The following TGFB2 variants were observed in gnomAD, a reference collection of about 807,000 sequenced individuals.
TGFB2 encodes transforming growth factor beta 2.
TGFB2 carries 13 observed loss-of-function variants against 42.7 expected under a neutral mutation model. The ratio of observed to expected loss-of-function variants is 0.30; its 90% CI spans 0.20 to 0.48. The LOEUF (loss-of-function observed/expected upper bound fraction) is 0.48. Ranked by LOEUF, TGFB2 falls within the 20% of genes least tolerant of loss-of-function variation. TGFB2 has a pLI of 0.99. For synonymous variants in TGFB2, 193 were observed against 193.6 expected, an observed-to-expected ratio of 1.00 and a Z score of 0.03; for missense variants, 390 against 517.5, an observed-to-expected ratio of 0.75 and a Z score of 2.39.
chr1:218,442,223 G>C lies in TGFB2; in HGVS notation c.*861G>C, dbSNP rs1277955583. 1 of 151,418 alleles carries C rather than the reference G, an allele frequency of 6.6e-6. No individual in the cohort carries two copies. Among genetic ancestry groups the C allele is most frequent in the South Asian group, 2.1e-4 (1 of 4,770 alleles). 9.4% of individuals were successfully genotyped at this position (151,418 alleles called of 1,614,324 possible). A position where few individuals can be genotyped will look rare whatever the true frequency, so the allele number is the denominator to read the frequency against. ...AACCAGTGAAATGTTGAAATGTTTT[G>C]ACATGTACTGGTCAAACTTCAGACC... On this transcript the variant is annotated 3_prime_UTR_variant, in exon 7 of 7. Transcript: ENST00000366930.
chr1:218,429,050 A>G, intron 2 of TGFB2, among the ~76,000 whole-genome samples: 1 of 136,896 alleles, frequency 7.3e-6, no homozygotes, highest in East Asian at 2.2e-4. Context: ...GCACGATCTC[A>G]GCTCACTGCA....
At chr1:218,403,062 C>G (rs1571873237) in intron 1 of TGFB2, among the ~76,000 whole-genome samples, 1 of 152,224 alleles carries the variant, frequency 6.6e-6, no homozygotes, top group South Asian at 2.1e-4. Flanking sequence ...TGCTAGGGGG[C>G]TCCAAAAGCC....
At chr1:218,406,271 A>G (rs1658907910) in intron 2 of TGFB2, among the ~76,000 whole-genome samples, 1 of 151,620 alleles carries the variant, frequency 6.6e-6, no homozygotes, top group Non-Finnish European at 1.5e-5. Flanking sequence ...TTTGTAGTGG[A>G]GTTGGAGTTG....
intron 1 of TGFB2, among the ~76,000 whole-genome samples, chr1:218,386,409 G>T (rs559455934): frequency 6.6e-6 from 1 of 152,172 alleles, no homozygotes; most frequent in Non-Finnish European, 1.5e-5. Context: ...GTCGAAGAAA[G>T]CCCTTTGTAA....
Position 218,346,937 on chromosome 1 carries a change from A to T in TGFB2, c.236A>T (p.Gln79Leu). 1 of 1,614,148 alleles carries T rather than the reference A, an allele frequency of 6.2e-7. No individual in the cohort carries two copies. Among genetic ancestry groups the T allele is most frequent in the Non-Finnish European group, 8.5e-7 (1 of 1,180,014 alleles). ...SIYNSTRDLL[Q>L]EKASRRAAAC... Reference sequence around the variant, plus strand: ...TACAACAGCACCAGGGACTTGCTCCAGGAGAAGGCGAGCCGGAGGGCGGCC... The same window carrying T: ...TACAACAGCACCAGGGACTTGCTCCTGGAGAAGGCGAGCCGGAGGGCGGCC... Residue 79 changes from glutamine (Q) to leucine (L), a missense_variant, in exon 1 of 7, where the codon CAG becomes CTG. Coordinates refer to ENST00000366930, the MANE Select transcript of TGFB2 (RefSeq NM_003238.6). The surrounding 1 kb of genome is among the most constrained non-coding windows in gnomAD (Gnocchi z 4.9).
intron 1 of TGFB2, among the ~76,000 whole-genome samples, chr1:218,381,497 AC>A (rs897876405): frequency 3.3e-5 from 5 of 151,750 alleles, no homozygotes; most frequent in Non-Finnish European, 7.4e-5. Flanking sequence ...CTCGTGATCC[AC>A]CCGCCTCGGC....
chr1:218,417,069 G>C (rs1455335208), intron 2 of TGFB2, among the ~76,000 whole-genome samples: 4 of 152,206 alleles, frequency 2.6e-5, no homozygotes, highest in Admixed American at 2.6e-4. Flanking sequence ...GTAGAGTGGG[G>C]TGCTGCTGAA....
At chr1:218,371,047 C>T (rs1008295206) in intron 1 of TGFB2, among the ~76,000 whole-genome samples, 1 of 152,190 alleles carries the variant, frequency 6.6e-6, no homozygotes, top group African/African-American at 2.4e-5. Context: ...TGCCTGTAAT[C>T]CCAGCTCTTT....
chr1:218,388,572 C>G (rs1468059809), intron 1 of TGFB2, among the ~76,000 whole-genome samples: 2 of 152,156 alleles, frequency 1.3e-5, no homozygotes, highest in Non-Finnish European at 2.9e-5. Flanking sequence ...CCTTGCTTGT[C>G]CCTCTCTGGA....
At chr1:218,382,176 C>T (rs1252841369) in intron 1 of TGFB2, among the ~76,000 whole-genome samples, 1 of 152,042 alleles carries the variant, frequency 6.6e-6, no homozygotes, top group East Asian at 1.9e-4. Context: ...TCTTTACATC[C>T]CCCTCCCCAC....
intron 1 of TGFB2, among the ~76,000 whole-genome samples, chr1:218,388,961 G>A (rs1343025503): frequency 6.6e-6 from 1 of 152,122 alleles, no homozygotes; most frequent in Admixed American, 6.6e-5. Context: ...TACAGGGTTC[G>A]TTATTCCACT....
chr1:218,382,066 C>T (rs1272921495), intron 1 of TGFB2, among the ~76,000 whole-genome samples: 4 of 152,060 alleles, frequency 2.6e-5, no homozygotes, highest in African/African-American at 4.8e-5. Flanking sequence ...CTTTGCTGCC[C>T]TTACCAGATG....
chr1:218,402,576 A>T (rs1658761190), intron 1 of TGFB2, among the ~76,000 whole-genome samples: 1 of 152,220 alleles, frequency 6.6e-6, no homozygotes, highest in African/African-American at 2.4e-5. Flanking sequence ...ATAAACACAA[A>T]AGAGATAAAA....
intron 2 of TGFB2, among the ~76,000 whole-genome samples, chr1:218,421,049 G>C (rs1374687417): frequency 6.6e-6 from 1 of 152,176 alleles, no homozygotes; most frequent in Non-Finnish European, 1.5e-5. Flanking sequence ...TAATCATGCA[G>C]TGTGTCGGTG....
chr1:218,424,815 T>C (rs1490318686), intron 2 of TGFB2, among the ~76,000 whole-genome samples: 1 of 152,240 alleles, frequency 6.6e-6, no homozygotes, highest in Admixed American at 6.5e-5. Flanking sequence ...GTAAATAGTT[T>C]GCATTAAAAG....
Position 218,441,394 on chromosome 1 carries a change from C to A in TGFB2, c.*32C>A, listed in dbSNP as rs1553303768. 6.3e-7 allele frequency: 1 copy of A among 1,583,800 alleles called. No individual in the cohort carries two copies. Among genetic ancestry groups the A allele is most frequent in the South Asian group, 1.2e-5 (1 of 85,600 alleles). ...TGGAAAAGTGGCAAGACCAAAATGA[C>A]AATGATGATGATAATGATGATGACG... On this transcript the variant is annotated 3_prime_UTR_variant, in exon 7 of 7. Transcript: ENST00000366930.
intron 5 of TGFB2, among the ~76,000 whole-genome samples, chr1:218,436,971 G>C (rs891271987): frequency 6.6e-6 from 1 of 152,180 alleles, no homozygotes; most frequent in East Asian, 1.9e-4. Context: ...ATTTGAAAGG[G>C]CAATAGAGGC....
rs768054775 is a variant in TGFB2 at position 218,404,200 on chromosome 1, C to A, written c.347-969C>A. 1.3e-3 allele frequency among the ~76,000 whole-genome samples: 204 copies of A among 152,230 alleles called. 1 individual carries two copies. Among genetic ancestry groups the A allele is most frequent in the Non-Finnish European group, 2.4e-3 (161 of 68,008 alleles). ...TGATTTCAGCTCACTGCAGCCTCCG[C>A]CCCCGGGGTTCAAGCAATTCTCCTG... On this transcript the variant is annotated intron_variant, in intron 1 of 6. Coordinates refer to ENST00000366930, the MANE Select transcript of TGFB2 (RefSeq NM_003238.6).
intron 1 of TGFB2, among the ~76,000 whole-genome samples, chr1:218,350,925 A>G (rs1207975121): frequency 6.6e-6 from 1 of 152,250 alleles, no homozygotes; most frequent in Non-Finnish European, 1.5e-5. Context: ...GTAAATAATC[A>G]TCTTGATTTA....
Sources: gnomAD v4.1 joint callset for allele counts (sites outside exome capture counted in the v4.1 genomes callset) on GRCh38, gnomAD v4.1.1 for gene constraint, Gnocchi (gnomAD v3.1) non-coding constraint, MANE v1.5 for transcripts, NCBI Gene and HGNC (gene_info 2026-07-23, HGNC 2026-07-21) for gene names.